Variants in GPR158 observed in about 807,000 individuals in gnomAD.
GPR158 encodes the protein G protein-coupled receptor 158.
A neutral mutation model predicts 78.2 loss-of-function variants in GPR158; 30 were observed. The ratio of observed to expected loss-of-function variants is 0.38; its 90% CI spans 0.29 to 0.52. The LOEUF (loss-of-function observed/expected upper bound fraction) is 0.52. Among genes scored for constraint, GPR158 ranks in the 20% least tolerant of loss-of-function variants. GPR158 has a pLI of 0.83. For synonymous variants in GPR158, 581 were observed against 591.1 expected, an observed-to-expected ratio of 0.98 and a Z score of 0.25; for missense variants, 1,463 against 1,523.5, an observed-to-expected ratio of 0.96 and a Z score of 0.66.
chr10:25,326,573 C>A (rs1855036630), intron 2 of GPR158, among the ~76,000 whole-genome samples: 1 of 152,014 alleles, frequency 6.6e-6, no homozygotes, highest in Non-Finnish European at 1.5e-5. Context: ...CTCATAGAAG[C>A]AGAGAATAGA....
intron 6 of GPR158, among the ~76,000 whole-genome samples, chr10:25,557,744 C>A (rs1258389958): frequency 6.6e-6 from 1 of 152,158 alleles, no homozygotes; most frequent in Non-Finnish European, 1.5e-5. Flanking sequence ...AGCATACTGA[C>A]AAGACATGTT....
chr10:25,487,264 CAAAA>C (rs562442304), intron 5 of GPR158, among the ~76,000 whole-genome samples: 1 of 152,000 alleles, frequency 6.6e-6, no homozygotes, highest in African/African-American at 2.4e-5. Flanking sequence ...GCCTACAAGA[CAAAA>C]AAACCCTCCT....
chr10:25,374,337 A>T (rs888974024), intron 2 of GPR158, among the ~76,000 whole-genome samples: 1 of 151,612 alleles, frequency 6.6e-6, no homozygotes, highest in East Asian at 1.9e-4. Flanking sequence ...GTATTCCCCA[A>T]TGGTAACATC....
Position 25,175,555 on chromosome 10 carries a change from C to A in GPR158, c.135C>A (p.His45Gln). 1 of 1,611,286 alleles carries A rather than the reference C, an allele frequency of 6.2e-7. No homozygotes were observed. Among genetic ancestry groups the A allele is most frequent in the Non-Finnish European group, 8.5e-7 (1 of 1,179,816 alleles). ...PRERTPKGKP[H>Q]AQQPGRASAS... is the part of the protein sequence containing the mutation. ...AGAGGACCCCGAAGGGGAAGCCGCA[C>A]GCCCAGCAGCCGGGTCGAGCCTCTG... Residue 45 changes from histidine (H) to glutamine (Q), a missense_variant, in exon 1 of 11, where the codon CAC (histidine) becomes CAA (glutamine). By Grantham distance (24) the His-to-Gln change is conservative (BLOSUM62 0). Coordinates refer to ENST00000376351, the MANE Select transcript of GPR158 (RefSeq NM_020752.3). This position sits in a 1 kb window ranked among gnomAD's most constrained non-coding sequence, Gnocchi z 6.4.
intron 2 of GPR158, among the ~76,000 whole-genome samples, chr10:25,322,550 A>G (rs371320165): frequency 6.6e-6 from 1 of 152,238 alleles, no homozygotes; most frequent in Non-Finnish European, 1.5e-5. Flanking sequence ...AGCATGAATC[A>G]TGAATGTTTG....
At chr10:25,197,004 TATC>T (rs1209305098) in intron 1 of GPR158, among the ~76,000 whole-genome samples, 16 of 152,202 alleles carry the variant, frequency 1.1e-4, no homozygotes, top group Non-Finnish European at 2.9e-5. Context: ...CTCCCTGGCT[TATC>T]ATCACGATCC....
chr10:25,274,536 A>G (rs945308571), intron 2 of GPR158, among the ~76,000 whole-genome samples: 1 of 152,210 alleles, frequency 6.6e-6, no homozygotes, highest in Admixed American at 6.5e-5. Context: ...TGCTAAATAC[A>G]TATAGACTAT....
intron 5 of GPR158, among the ~76,000 whole-genome samples, chr10:25,471,741 T>C (rs1835506705): frequency 6.6e-6 from 1 of 152,254 alleles, no homozygotes; most frequent in Non-Finnish European, 1.5e-5. Context: ...CATGTGTCTG[T>C]TGGCTGCATA....
intron 5 of GPR158, among the ~76,000 whole-genome samples, chr10:25,473,552 C>G (rs1835539727): frequency 6.6e-6 from 1 of 152,090 alleles, no homozygotes; most frequent in South Asian, 2.1e-4. Context: ...CCTTGTACCT[C>G]TGGTAGAATT....
chr10:25,584,115 G>C (rs1470675001), intron 7 of GPR158, among the ~76,000 whole-genome samples: 1 of 125,472 alleles, frequency 8.0e-6, no homozygotes, highest in African/African-American at 2.9e-5. Context: ...AAAGACTTCA[G>C]TTTCTGAAAG....
chr10:25,467,111 G>T (rs138053161), intron 5 of GPR158, among the ~76,000 whole-genome samples: 71 of 152,198 alleles, frequency 4.7e-4, no homozygotes, highest in African/African-American at 1.7e-3. Flanking sequence ...GCAATACGTT[G>T]GTTTGGTCCA....
chr10:25,406,215 G>A (rs72780115), intron 3 of GPR158, among the ~76,000 whole-genome samples: 4,280 of 152,204 alleles, frequency 0.028, 83 homozygotes, highest in Non-Finnish European at 0.043. Context: ...CCAGAAGTGT[G>A]GTGAAATGGA....
intron 4 of GPR158, among the ~76,000 whole-genome samples, chr10:25,441,552 A>G (rs1262242486): frequency 6.6e-6 from 1 of 152,184 alleles, no homozygotes; most frequent in Non-Finnish European, 1.5e-5. Context: ...AATCAATTTC[A>G]AAATCTCTTG....
At chr10:25,556,257 T>C (rs913301225) in intron 6 of GPR158, among the ~76,000 whole-genome samples, 1 of 152,186 alleles carries the variant, frequency 6.6e-6, no homozygotes, top group Non-Finnish European at 1.5e-5. Flanking sequence ...ATAAAAGTGT[T>C]CTTCCATTGA....
At chr10:25,382,750 A>G (rs1174352997) in intron 2 of GPR158, among the ~76,000 whole-genome samples, 1 of 152,160 alleles carries the variant, frequency 6.6e-6, no homozygotes, top group Non-Finnish European at 1.5e-5. Flanking sequence ...ATGTTAATAT[A>G]ATTGACCTGT....
chr10:25,456,425 A>G lies in GPR158; in HGVS notation c.1336-10226A>G, dbSNP rs149792544. Among the ~76,000 whole-genome samples the G allele has an allele frequency of 2.9e-3, 448 of 152,338 alleles. 1 individual carries two copies. The highest frequency in any genetic ancestry group is 8.9e-3 in the African/African-American group (372 of 41,580). ...CACTTCCAAGCATACTACAGAGGATAGACAGTGTGTTAAAGATAAACTTAA... is the reference window on the plus strand; with the variant it reads ...CACTTCCAAGCATACTACAGAGGATGGACAGTGTGTTAAAGATAAACTTAA... On this transcript the variant is annotated intron_variant, in intron 4 of 10. Coordinates refer to ENST00000376351, the MANE Select transcript of GPR158 (RefSeq NM_020752.3).
intron 4 of GPR158, among the ~76,000 whole-genome samples, chr10:25,447,024 T>C (rs1009951164): frequency 6.6e-6 from 1 of 152,202 alleles, no homozygotes; most frequent in Non-Finnish European, 1.5e-5. Flanking sequence ...ACTTACAAGT[T>C]AAAAGGTTAT....
chr10:25,539,812 CT>C (rs1298259324), intron 5 of GPR158, among the ~76,000 whole-genome samples: 1 of 152,052 alleles, frequency 6.6e-6, no homozygotes, highest in Non-Finnish European at 1.5e-5. Context: ...GCATTAGGTA[CT>C]TTTGTTATTT....
intron 2 of GPR158, among the ~76,000 whole-genome samples, chr10:25,383,491 T>G (rs183911968): frequency 6.6e-6 from 1 of 152,272 alleles, no homozygotes; most frequent in Admixed American, 6.5e-5. Flanking sequence ...GGGGGTTTCG[T>G]TTTCAGGAAA....
Sources: gnomAD v4.1 joint callset for allele counts (sites outside exome capture counted in the v4.1 genomes callset) on GRCh38, gnomAD v4.1.1 for gene constraint, Gnocchi (gnomAD v3.1) non-coding constraint, MANE v1.5 for transcripts, NCBI Gene and HGNC (gene_info 2026-07-23, HGNC 2026-07-21) for gene names.